The following EPS15 variants were observed in gnomAD, a reference collection of about 807,000 sequenced individuals.
EPS15 encodes the protein epidermal growth factor receptor pathway substrate 15, also known as epidermal growth factor receptor substrate 15.
A neutral mutation model predicts 113.8 loss-of-function variants in EPS15; 72 were observed. The ratio of observed to expected loss-of-function variants is 0.63; its 90% CI spans 0.52 to 0.77. The LOEUF (loss-of-function observed/expected upper bound fraction) is 0.77. Among genes scored for constraint, EPS15 ranks in the 30% least tolerant of loss-of-function variants. EPS15 has a pLI of 0.00. For missense variants in EPS15, 1,048 were observed against 1,045.8 expected, an observed-to-expected ratio of 1.00 and a Z score of -0.03; for synonymous variants, 344 against 363.4, an observed-to-expected ratio of 0.95 and a Z score of 0.61.
At chr1:51,421,434 A>G (rs1045640294) in intron 13 of EPS15, among the ~76,000 whole-genome samples, 1 of 152,142 alleles carries the variant, frequency 6.6e-6, no homozygotes, top group African/African-American at 2.4e-5. Flanking sequence ...GATGATGATG[A>G]TGATGAGATG....
At chr1:51,508,300 G>A (rs12127860) in intron 1 of EPS15, among the ~76,000 whole-genome samples, 18 of 127,716 alleles carry the variant, frequency 1.4e-4, no homozygotes, top group Non-Finnish European at 2.5e-4. Context: ...AAGAGAGAGA[G>A]AGAAAGAGAG....
At chr1:51,385,846 G>A (rs989479447) in intron 21 of EPS15, among the ~76,000 whole-genome samples, 1 of 152,078 alleles carries the variant, frequency 6.6e-6, no homozygotes, top group East Asian at 1.9e-4. Context: ...GAAGTATGCA[G>A]AGTAGTAATG....
chr1:51,415,382 G>A (rs1443392004), intron 13 of EPS15, among the ~76,000 whole-genome samples: 1 of 152,094 alleles, frequency 6.6e-6, no homozygotes, highest in Non-Finnish European at 1.5e-5. Flanking sequence ...GGACTTAAAG[G>A]AAAGGTTACT....
intron 2 of EPS15, among the ~76,000 whole-genome samples, chr1:51,473,749 T>A (rs749249457): frequency 1.1e-4 from 16 of 152,212 alleles, no homozygotes; most frequent in Admixed American, 4.6e-4. Context: ...TTTTCCAGTT[T>A]AGTTAAAAGA....
At chr1:51,361,482 G>A in intron 23 of EPS15, 127 bp from the exon 24 acceptor site, 1 of 631,644 alleles carries the variant, frequency 1.6e-6, no homozygotes, top group Non-Finnish European at 2.7e-6. Flanking sequence ...AACACATTCT[G>A]AATATTGTCT....
At chr1:51,509,109 C>T (rs907979824) in intron 1 of EPS15, among the ~76,000 whole-genome samples, 1 of 152,104 alleles carries the variant, frequency 6.6e-6, no homozygotes, top group Non-Finnish European at 1.5e-5. Flanking sequence ...CCAAAAGCTA[C>T]TTCAGAGCAA....
At chr1:51,360,692 A>T (rs1646362962) in intron 24 of EPS15, among the ~76,000 whole-genome samples, 1 of 152,120 alleles carries the variant, frequency 6.6e-6, no homozygotes, top group Non-Finnish European at 1.5e-5. Flanking sequence ...CTATTCAAAG[A>T]ATCTCTGGCT....
At chr1:51,421,496 G>C (rs776028659) in intron 13 of EPS15, among the ~76,000 whole-genome samples, 9 of 151,980 alleles carry the variant, frequency 5.9e-5, no homozygotes, top group Non-Finnish European at 1.3e-4. Context: ...TGTAAGTCAT[G>C]CAAACTTACC....
intron 16 of EPS15, among the ~76,000 whole-genome samples, chr1:51,404,890 C>T (rs1648949778): frequency 6.6e-6 from 1 of 152,204 alleles, no homozygotes. Flanking sequence ...AGAGGTAATG[C>T]AGATGCCTAC....
intron 20 of EPS15, 48 bp downstream of exon 20, chr1:51,398,984 G>C (rs1172783032): frequency 6.5e-7 from 1 of 1,537,248 alleles, no homozygotes; most frequent in South Asian, 1.2e-5. Flanking sequence ...ACTTGCTTAG[G>C]ACACTTATTA....
intron 1 of EPS15, among the ~76,000 whole-genome samples, chr1:51,489,197 GTTA>G (rs1233391714): frequency 2.0e-5 from 3 of 148,982 alleles, no homozygotes; most frequent in East Asian, 1.9e-4. Context: ...GAAAAAATAT[GTTA>G]TTATAATTAC....
intron 21 of EPS15, among the ~76,000 whole-genome samples, chr1:51,381,883 T>TAC (rs1343854931): frequency 6.6e-6 from 1 of 152,010 alleles, no homozygotes; most frequent in Non-Finnish European, 1.5e-5. Flanking sequence ...AACCTAACTT[T>TAC]ACACTGTAAA....
chr1:51,394,468 CATGA>C (rs1202364843), intron 20 of EPS15, 21 bp from the exon 21 acceptor site: 20 of 1,551,366 alleles, frequency 1.3e-5, no homozygotes, highest in Non-Finnish European at 1.4e-5. Flanking sequence ...CATACAAAAC[CATGA>C]ATGAGAGAGG....
intron 21 of EPS15, among the ~76,000 whole-genome samples, chr1:51,387,114 G>T (rs113257522): frequency 1.4e-4 from 21 of 152,242 alleles, no homozygotes; most frequent in Admixed American, 2.6e-4. Context: ...GACTAACAGC[G>T]GATCTCTTGG....
chr1:51,381,347 CT>C (rs1646936685), intron 21 of EPS15, among the ~76,000 whole-genome samples: 1 of 152,212 alleles, frequency 6.6e-6, no homozygotes, highest in South Asian at 2.1e-4. Flanking sequence ...AATCCCAACA[CT>C]TTGGGAGGCC....
At chr1:51,487,882 G>A (rs184126246) in intron 1 of EPS15, among the ~76,000 whole-genome samples, 8 of 152,258 alleles carry the variant, frequency 5.3e-5, no homozygotes, top group Admixed American at 5.2e-4. Context: ...TGTTTCTGGT[G>A]TGTCTCAGTA....
At chr1:51,498,253 A>G (rs1427703670) in intron 1 of EPS15, among the ~76,000 whole-genome samples, 2 of 152,230 alleles carry the variant, frequency 1.3e-5, no homozygotes, top group African/African-American at 2.4e-5. Context: ...CAAATGGTTC[A>G]TAAATTTTCA....
chr1:51,519,086 A>G, intron 1 of EPS15, 113 bp downstream of exon 1: 1 of 691,662 alleles, frequency 1.4e-6, no homozygotes, highest in South Asian at 2.8e-5. Flanking sequence ...CGCCCGGCCC[A>G]CAAGCCAAGA....
chr1:51,419,170 C>A (rs866145959), intron 13 of EPS15, among the ~76,000 whole-genome samples: 5 of 152,180 alleles, frequency 3.3e-5, no homozygotes, highest in Middle Eastern at 6.8e-3. Flanking sequence ...GGAATTGGAT[C>A]ACTTTGGGCC....
Sources: allele counts gnomAD v4.1 joint callset (sites outside exome capture counted in the v4.1 genomes callset), GRCh38; gene constraint gnomAD v4.1.1; transcripts MANE v1.5; gene names NCBI Gene and HGNC (gene_info 2026-07-23, HGNC 2026-07-21).